RAD51B: variants seen among roughly 807,000 people sequenced by gnomAD.
RAD51B encodes RAD51 paralog B.
RAD51B carries 38 observed loss-of-function variants against 42.2 expected under a neutral mutation model. The ratio of observed to expected loss-of-function variants is 0.90; its 90% CI spans 0.70 to 1.18. The LOEUF (loss-of-function observed/expected upper bound fraction) is 1.18. Among genes scored for constraint, RAD51B ranks in the 50% most tolerant of loss-of-function variants. RAD51B has a pLI of 0.00. For synonymous variants in RAD51B, 154 were observed against 145.2 expected, an observed-to-expected ratio of 1.06 and a Z score of -0.43; for missense variants, 373 against 400.7, an observed-to-expected ratio of 0.93 and a Z score of 0.59.
At chr14:68,283,523 G>A (rs1305268458) in intron 7 of RAD51B, among the ~76,000 whole-genome samples, 1 of 152,182 alleles carries the variant, frequency 6.6e-6, no homozygotes, top group Non-Finnish European at 1.5e-5. Context: ...ATACACCACT[G>A]GAAGCCACTG....
At chr14:67,851,338 T>C (rs558391323) in intron 4 of RAD51B, among the ~76,000 whole-genome samples, 154 of 152,098 alleles carry the variant, frequency 1.0e-3, no homozygotes, top group Non-Finnish European at 1.9e-3. Flanking sequence ...GGTGAGGGGC[T>C]AAACTCTCAG....
chr14:68,461,047 A>G (rs1279450380), intron 9 of RAD51B, among the ~76,000 whole-genome samples: 2 of 152,150 alleles, frequency 1.3e-5, no homozygotes, highest in African/African-American at 4.8e-5. Context: ...AACAACAAGA[A>G]TGGGTCAAAT....
At chr14:68,260,957 A>G (rs935896927) in intron 7 of RAD51B, among the ~76,000 whole-genome samples, 3 of 152,362 alleles carry the variant, frequency 2.0e-5, no homozygotes, top group Middle Eastern at 6.8e-3. Flanking sequence ...TTAATCTTCC[A>G]TTAGTTCTGA....
downstream of RAD51B, among the ~76,000 whole-genome samples, chr14:68,613,829 C>T (rs1158344749): frequency 6.6e-6 from 1 of 152,192 alleles, no homozygotes; most frequent in Admixed American, 6.5e-5. Flanking sequence ...TTCTCCATAA[C>T]TTGCTCAGAA....
At chr14:68,681,410 A>G (rs1884808) in intron 11 of RAD51B, among the ~76,000 whole-genome samples, 95,717 of 151,938 alleles carry the variant, frequency 0.63, 31,378 homozygotes, top group African/African-American at 0.82. Context: ...TGAAGGAGGA[A>G]CAAGGGCCTC....
intron 8 of RAD51B, among the ~76,000 whole-genome samples, chr14:68,296,912 A>G (rs2081625327): frequency 6.6e-6 from 1 of 152,232 alleles, no homozygotes; most frequent in Non-Finnish European, 1.5e-5. Context: ...GGATAGGTCA[A>G]GGAAAGAACA....
intron 7 of RAD51B, among the ~76,000 whole-genome samples, chr14:68,021,402 G>C (rs1260337018): frequency 2.0e-5 from 3 of 152,110 alleles, no homozygotes; most frequent in African/African-American, 7.2e-5. Flanking sequence ...GTGAGATGGT[G>C]TTTCTCTTAC....
At chr14:68,490,709 G>A (rs1185318818) in intron 10 of RAD51B, among the ~76,000 whole-genome samples, 4 of 152,160 alleles carry the variant, frequency 2.6e-5, no homozygotes, top group Non-Finnish European at 4.4e-5. Context: ...TTATTGTATT[G>A]AGAACCTTGA....
intron 7 of RAD51B, among the ~76,000 whole-genome samples, chr14:67,961,395 A>G (rs759012862): frequency 2.6e-5 from 4 of 152,222 alleles, no homozygotes; most frequent in Non-Finnish European, 4.4e-5. Context: ...AAAATTGGTC[A>G]CTAAGAAAGT....
exon 11 of RAD51B, chr14:68,594,708 T>C (rs776618490): frequency 4.7e-5 from 59 of 1,262,926 alleles, no homozygotes; most frequent in Non-Finnish European, 5.2e-5. Flanking sequence ...GGATTACAAG[T>C]ATGAGACTTT....
intron 10 of RAD51B, among the ~76,000 whole-genome samples, chr14:68,583,508 C>T (rs781077442): frequency 2.0e-5 from 3 of 152,238 alleles, no homozygotes; most frequent in Non-Finnish European, 4.4e-5. Flanking sequence ...TTGACAAACG[C>T]ACCTTCCTGA....
At chr14:68,602,582 G>T (rs1027331874) in intron 10 of RAD51B, among the ~76,000 whole-genome samples, 1 of 152,162 alleles carries the variant, frequency 6.6e-6, no homozygotes, top group South Asian at 2.1e-4. Flanking sequence ...TGATAGAAAA[G>T]CAAATAGAGT....
At chr14:67,896,009 T>C (rs962908035) in intron 7 of RAD51B, among the ~76,000 whole-genome samples, 3 of 152,216 alleles carry the variant, frequency 2.0e-5, no homozygotes, top group African/African-American at 7.2e-5. Flanking sequence ...TTTAATTATG[T>C]ATTTGCCTTG....
intron 4 of RAD51B, among the ~76,000 whole-genome samples, chr14:67,851,010 A>G (rs1450475021): frequency 1.3e-5 from 2 of 152,090 alleles, no homozygotes; most frequent in East Asian, 1.9e-4. Context: ...TTAGCTTAAT[A>G]TAGGTAGCTG....
intron 7 of RAD51B, among the ~76,000 whole-genome samples, chr14:68,102,409 C>T (rs766837984): frequency 6.6e-6 from 1 of 152,068 alleles, no homozygotes; most frequent in Non-Finnish European, 1.5e-5. Context: ...AATGCCAAAC[C>T]ATCTCTCTCA....
intron 10 of RAD51B, among the ~76,000 whole-genome samples, chr14:68,499,140 G>A (rs1884745121): frequency 1.3e-5 from 2 of 152,146 alleles, no homozygotes; most frequent in African/African-American, 4.8e-5. Flanking sequence ...GCCAGAAGGG[G>A]GCTCATCACA....
chr14:68,659,684 G>T (rs1892894744), intron 11 of RAD51B, among the ~76,000 whole-genome samples: 1 of 152,208 alleles, frequency 6.6e-6, no homozygotes, highest in Non-Finnish European at 1.5e-5. Flanking sequence ...CCTTGAGTGG[G>T]TGGTCTCCCC....
intron 7 of RAD51B, among the ~76,000 whole-genome samples, chr14:68,075,590 C>T (rs974617616): frequency 4.6e-5 from 7 of 151,816 alleles, no homozygotes; most frequent in African/African-American, 1.7e-4. Context: ...TTTGTTCCTT[C>T]CTCAGTCTGA....
intron 7 of RAD51B, among the ~76,000 whole-genome samples, chr14:67,948,323 C>A (rs536116639): frequency 2.6e-5 from 4 of 152,260 alleles, no homozygotes; most frequent in Admixed American, 2.6e-4. Flanking sequence ...AATGCTGCCT[C>A]CCTATTTCCT....
Sources: allele counts gnomAD v4.1 joint callset (sites outside exome capture counted in the v4.1 genomes callset), GRCh38; gene constraint gnomAD v4.1.1; transcripts MANE v1.5; gene names NCBI Gene and HGNC (gene_info 2026-07-23, HGNC 2026-07-21).